Variants in SLC4A5 observed in about 807,000 individuals in gnomAD.
SLC4A5 encodes electrogenic sodium bicarbonate cotransporter 4.
Under a neutral mutation model 120.4 loss-of-function variants are expected in SLC4A5, and 96 were observed. That is an observed-to-expected ratio of 0.80 (90% CI 0.68 to 0.94). The LOEUF (loss-of-function observed/expected upper bound fraction) is 0.94. Among genes scored for constraint, SLC4A5 ranks in the 40% least tolerant of loss-of-function variants. The pLI, the probability that SLC4A5 is intolerant of heterozygous loss-of-function variation, is 0.00. For missense variants in SLC4A5, 1,259 were observed against 1,459.5 expected (o/e 0.86, Z 2.24); for synonymous variants, 550 against 571.1 (o/e 0.96, Z 0.53).
chr2:74,231,236 C>T, exon 25 of SLC4A5: 1 of 1,611,208 alleles, frequency 6.2e-7, no homozygotes, highest in Non-Finnish European at 8.5e-7. Context: ...AGGACCTCAC[C>T]TTTAGGATGG....
intron 19 of SLC4A5, among the ~76,000 whole-genome samples, chr2:74,243,443 C>T (rs1670511702): frequency 6.6e-6 from 1 of 152,176 alleles, no homozygotes; most frequent in Non-Finnish European, 1.5e-5. Flanking sequence ...GCAGAATATT[C>T]CTAGAAGCTC....
chr2:74,337,808 A>G (rs1412153074), intron 3 of SLC4A5, among the ~76,000 whole-genome samples: 1 of 152,192 alleles, frequency 6.6e-6, no homozygotes, highest in Non-Finnish European at 1.5e-5. Context: ...TGGCTTCATA[A>G]TTAGTTGTGC....
At chr2:74,303,447 C>A (rs1672538002) in intron 7 of SLC4A5, among the ~76,000 whole-genome samples, 1 of 152,050 alleles carries the variant, frequency 6.6e-6, no homozygotes, top group Non-Finnish European at 1.5e-5. Flanking sequence ...TAGTAGAAAC[C>A]AAATTCATAC....
chr2:74,287,722 G>C (rs768127716), intron 7 of SLC4A5, among the ~76,000 whole-genome samples: 1 of 152,126 alleles, frequency 6.6e-6, no homozygotes, highest in Non-Finnish European at 1.5e-5. Context: ...AAGGCCTCCA[G>C]GCATGAAATC....
At chr2:74,264,298 A>G (rs568863116) in exon 10 of SLC4A5, 1 of 1,613,416 alleles carries the variant, frequency 6.2e-7, no homozygotes. Flanking sequence ...CAATGACATC[A>G]TCTGTGTGGA....
rs1280048105 is a variant in SLC4A5 at position 74,255,519 on chromosome 2, T to C, written c.1025+256A>G. 6.6e-6 allele frequency among the ~76,000 whole-genome samples: 1 copy of C among 152,106 alleles called. No homozygotes were observed. The highest frequency in any genetic ancestry group is 1.5e-5 in the Non-Finnish European group (1 of 68,018). On this transcript the variant is annotated intron_variant, in intron 13 of 30. Coordinates refer to ENST00000394019, the Ensembl canonical transcript of SLC4A5. The surrounding 1 kb of genome is among the most constrained non-coding windows in gnomAD (Gnocchi z 4.0). ...CTTGTTGGCCAGGCTGGTCTCGAAC[T>C]CCTGACCTCATGATCTGCCCACCTT...
chr2:74,250,642 G>A (rs1670761261), intron 16 of SLC4A5, 125 bp from the exon 17 acceptor site: 17 of 1,151,376 alleles, frequency 1.5e-5, no homozygotes, highest in Non-Finnish European at 1.7e-5. Context: ...ATGGGGCAAA[G>A]ATCTTTCCAC....
At chr2:74,227,755 C>T (rs542342298) in intron 26 of SLC4A5, 55 bp downstream of exon 26, 1 of 1,480,010 alleles carries the variant, frequency 6.8e-7, no homozygotes, top group Non-Finnish European at 9.2e-7. Context: ...TGACATGGAA[C>T]CAGACATGGA....
In SLC4A5 at chr2:74,239,546, A is replaced by T; in HGVS notation, c.2119-11T>A. ...GTTAAGGAGGTTGTACTTGGAGACC[A>T]AGCACAGGAGAGAATGGGTCAGCAT... On this transcript the variant is annotated splice_polypyrimidine_tract_variant and intron_variant, in intron 20 of 30. Transcript: ENST00000394019. 6.2e-7 allele frequency: 1 copy of T among 1,613,676 alleles called. No homozygotes were observed. Among genetic ancestry groups the T allele is most frequent in the Non-Finnish European group, 8.5e-7 (1 of 1,179,718 alleles).
exon 22 of SLC4A5, chr2:74,235,131 A>G: frequency 6.2e-7 from 1 of 1,614,152 alleles, no homozygotes; most frequent in Admixed American, 1.7e-5. Context: ...GCAGCTTGGG[A>G]GTTTCTAGGC....
chr2:74,264,403 G>A, intron 9 of SLC4A5, 104 bp from the exon 10 acceptor site: 2 of 1,368,086 alleles, frequency 1.5e-6, no homozygotes, highest in South Asian at 1.4e-5. Context: ...TGTGGCAGAG[G>A]GGGTGTGGAA....
intron 6 of SLC4A5, chr2:74,306,718 TG>T: frequency 8.3e-7 from 1 of 1,207,210 alleles, no homozygotes. Context: ...ACCCTGCTTC[TG>T]CTGGCTTAAT....
chr2:74,343,264 T>G (rs939453049), intron 1 of SLC4A5, 92 bp downstream of exon 1: 1 of 152,232 alleles, frequency 6.6e-6, no homozygotes, highest in African/African-American at 2.4e-5. Context: ...CTGGGGAATC[T>G]GCCTATTCTA....
At chr2:74,246,939 G>GC (rs2103971299) in intron 19 of SLC4A5, 97 bp downstream of exon 19, 1 of 1,480,282 alleles carries the variant, frequency 6.8e-7, no homozygotes, top group South Asian at 1.3e-5. Flanking sequence ...TGGCTGAATG[G>GC]CCCCTCCCCA....
At chr2:74,264,508 G>GTGTGTGTGTGTGTA (rs1671240741) in intron 9 of SLC4A5, among the ~76,000 whole-genome samples, 1 of 152,000 alleles carries the variant, frequency 6.6e-6, no homozygotes, top group African/African-American at 2.4e-5. Flanking sequence ...GTGTGTGTGT[G>GTGTGTGTGTGTGTA]TGTGTGTGTG....
At chr2:74,258,664 C>G (rs1671043061) in intron 12 of SLC4A5, among the ~76,000 whole-genome samples, 1 of 152,116 alleles carries the variant, frequency 6.6e-6, no homozygotes, top group Non-Finnish European at 1.5e-5. Context: ...CTGTAAGCCT[C>G]AGTGTTCTCT....
intron 7 of SLC4A5, among the ~76,000 whole-genome samples, chr2:74,301,255 AG>A (rs1172309296): frequency 6.6e-6 from 1 of 152,228 alleles, no homozygotes; most frequent in Non-Finnish European, 1.5e-5. Flanking sequence ...TATCATTCTC[AG>A]GGGGCTTTCA....
At chr2:74,319,432 G>C (rs925961111) in intron 5 of SLC4A5, 5 of 152,012 alleles carry the variant, frequency 3.3e-5, no homozygotes, top group Admixed American at 6.6e-5. Context: ...ACTAAAACTG[G>C]AATAATAAAA....
intron 25 of SLC4A5, among the ~76,000 whole-genome samples, chr2:74,229,407 A>C (rs1020621456): frequency 2.0e-5 from 3 of 151,364 alleles, no homozygotes; most frequent in Admixed American, 2.0e-4. Flanking sequence ...GTGCCACCAT[A>C]CCTGGCTATT....
Sources: allele counts gnomAD v4.1 joint callset (sites outside exome capture counted in the v4.1 genomes callset), GRCh38; gene constraint gnomAD v4.1.1; non-coding constraint Gnocchi (gnomAD v3.1); transcripts MANE v1.5; gene names NCBI Gene and HGNC (gene_info 2026-07-23, HGNC 2026-07-21).